Variants in DPP10 observed in about 807,000 individuals in gnomAD.
DPP10 encodes the protein dipeptidyl peptidase like 10.
In DPP10, 33 loss-of-function variants were observed where a neutral mutation model predicts 120.9. The observed-to-expected ratio is 0.27, with a 90% CI of 0.21 to 0.37. The LOEUF is 0.37. Ranked by LOEUF, DPP10 falls within the 10% of genes least tolerant of loss-of-function variation. The pLI is 1.00. For missense variants in DPP10, 816 were observed against 942.8 expected, an observed-to-expected ratio of 0.87 and a Z score of 1.76; for synonymous variants, 337 against 326.1, an observed-to-expected ratio of 1.03 and a Z score of -0.36.
chr2:115,360,398 A>G (rs1353829603), intron 3 of DPP10, among the ~76,000 whole-genome samples: 1 of 152,192 alleles, frequency 6.6e-6, no homozygotes, highest in East Asian at 1.9e-4. Flanking sequence ...TTATTTAATT[A>G]TAGCTAGATC....
chr2:114,590,481 G>C (rs961283204), intron 1 of DPP10, among the ~76,000 whole-genome samples: 1 of 152,160 alleles, frequency 6.6e-6, no homozygotes, highest in Non-Finnish European at 1.5e-5. Context: ...CAATGTAACA[G>C]CTAAAGGCAC....
At chr2:115,013,312 G>A (rs1414902602) in intron 1 of DPP10, among the ~76,000 whole-genome samples, 5 of 152,138 alleles carry the variant, frequency 3.3e-5, no homozygotes, top group African/African-American at 1.2e-4. Flanking sequence ...TAAGAATGTT[G>A]AATATTGGCC....
chr2:115,288,506 T>C (rs902634864), intron 1 of DPP10, among the ~76,000 whole-genome samples: 1 of 151,946 alleles, frequency 6.6e-6, no homozygotes, highest in Non-Finnish European at 1.5e-5. Flanking sequence ...TCACTTGAGG[T>C]CAGGAGTTTG....
chr2:115,622,556 G>A (rs1329366766), intron 5 of DPP10, among the ~76,000 whole-genome samples: 1 of 134,650 alleles, frequency 7.4e-6, no homozygotes. Flanking sequence ...TTTTCTCTTG[G>A]GTAGAATTCC....
Position 114,910,299 on chromosome 2 carries a change from A to G in DPP10, c.61-398940A>G, listed in dbSNP as rs115787136. Among the ~76,000 whole-genome samples the G allele has an allele frequency of 9.9e-3, 1,498 of 152,040 alleles. 20 individuals are homozygous for G. The highest frequency in any genetic ancestry group is 0.035 in the African/African-American group (1,444 of 41,534). On this transcript the variant is annotated intron_variant, in intron 1 of 25. Transcript: ENST00000410059. ...AGTTTTATAATAATTAAAACATTTT[A>G]AGGAAATGTGCCAGGAGCCCTAGGC...
intron 1 of DPP10, among the ~76,000 whole-genome samples, chr2:114,638,928 A>G (rs1357757429): frequency 6.6e-6 from 1 of 151,862 alleles, no homozygotes; most frequent in Admixed American, 6.6e-5. Flanking sequence ...TATGGTAAAT[A>G]TATTACCATG....
In DPP10 at chr2:115,791,386, G is replaced by A. The variant is rs761456672; in HGVS notation, c.1700+30G>A. 2.6e-6 allele frequency: 4 copies of A among 1,538,598 alleles called. No individual in the cohort carries two copies. In the East Asian group the frequency reaches 9.1e-5, roughly 35 times the overall value. ...GTATTTTATTTGTTTTTAAAATAAA[G>A]GAATCTAAAGATTTTATATTTTTGT... On this transcript the variant is annotated intron_variant, in intron 19 of 25. Coordinates refer to ENST00000410059, the MANE Select transcript of DPP10 (RefSeq NM_020868.6).
intron 1 of DPP10, among the ~76,000 whole-genome samples, chr2:115,220,531 G>C (rs1005898203): frequency 1.3e-5 from 2 of 152,096 alleles, no homozygotes; most frequent in African/African-American, 4.8e-5. Context: ...GGGCAACAGA[G>C]TGAGACCCCC....
At chr2:115,075,259 T>C (rs1174266486) in intron 1 of DPP10, among the ~76,000 whole-genome samples, 2 of 152,252 alleles carry the variant, frequency 1.3e-5, no homozygotes, top group African/African-American at 4.8e-5. Flanking sequence ...AGAAGTTGTT[T>C]AGAAGTAAAA....
intron 5 of DPP10, among the ~76,000 whole-genome samples, chr2:115,547,913 G>A (rs974863871): frequency 2.6e-5 from 4 of 152,082 alleles, no homozygotes; most frequent in African/African-American, 7.2e-5. Flanking sequence ...GATCAAAATC[G>A]ATTTTGTTTG....
intron 1 of DPP10, among the ~76,000 whole-genome samples, chr2:114,987,802 G>GTTTTTTTTTTTTTTTT (rs1434384449): frequency 1.2e-4 from 1 of 8,254 alleles, no homozygotes; most frequent in African/African-American, 4.0e-4. Flanking sequence ...TGTGGAGACT[G>GTTTTTTTTTTTTTTTT]TCTTTTTTTT....
chr2:114,448,994 A>G (rs961488872), intron 1 of DPP10, among the ~76,000 whole-genome samples: 12 of 152,214 alleles, frequency 7.9e-5, no homozygotes, highest in Non-Finnish European at 1.5e-4. Context: ...TTTTAAATTC[A>G]TAGAAAATTT....
At chr2:115,560,702 C>A (rs1434280947) in intron 5 of DPP10, among the ~76,000 whole-genome samples, 1 of 151,480 alleles carries the variant, frequency 6.6e-6, no homozygotes, top group Non-Finnish European at 1.5e-5. Flanking sequence ...ACAGCCACAA[C>A]CTCCAGGGCT....
At chr2:115,693,493 G>GA (rs1319134013) in intron 7 of DPP10, among the ~76,000 whole-genome samples, 2 of 151,946 alleles carry the variant, frequency 1.3e-5, no homozygotes, top group African/African-American at 2.4e-5. Flanking sequence ...CAGTATTTTA[G>GA]AAAAAAATGG....
At chr2:115,794,612 T>C (rs1005106279) in intron 19 of DPP10, among the ~76,000 whole-genome samples, 1 of 152,142 alleles carries the variant, frequency 6.6e-6, no homozygotes, top group African/African-American at 2.4e-5. Context: ...ATTGGCACCA[T>C]AGATGGATCT....
chr2:115,580,705 CA>C (rs2081959167), intron 5 of DPP10, among the ~76,000 whole-genome samples: 1 of 152,104 alleles, frequency 6.6e-6, no homozygotes, highest in South Asian at 2.1e-4. Context: ...ACTCAAATAT[CA>C]ACACTTTAGT....
chr2:115,059,438 G>A (rs772463278), intron 1 of DPP10, among the ~76,000 whole-genome samples: 1 of 145,978 alleles, frequency 6.9e-6, no homozygotes, highest in East Asian at 2.0e-4. Flanking sequence ...TCCAGGCTCC[G>A]TCACTCCTAG....
chr2:114,828,117 C>T (rs1360502469), intron 1 of DPP10, among the ~76,000 whole-genome samples: 1 of 152,060 alleles, frequency 6.6e-6, no homozygotes, highest in Non-Finnish European at 1.5e-5. Flanking sequence ...AAAAGAGTGG[C>T]ATATTCTGTG....
intron 1 of DPP10, among the ~76,000 whole-genome samples, chr2:115,099,952 C>A (rs976173074): frequency 6.6e-6 from 1 of 152,164 alleles, no homozygotes; most frequent in East Asian, 1.9e-4. Flanking sequence ...ATGTAGTAAG[C>A]AGTCTTTAGT....
Sources: allele counts gnomAD v4.1 joint callset (sites outside exome capture counted in the v4.1 genomes callset), GRCh38; gene constraint gnomAD v4.1.1; transcripts MANE v1.5; gene names NCBI Gene and HGNC (gene_info 2026-07-23, HGNC 2026-07-21).